The following ADAMTS7 variants were observed in gnomAD, a reference collection of about 807,000 sequenced individuals.
ADAMTS7 encodes the protein A disintegrin and metalloproteinase with thrombospondin motifs 7.
In ADAMTS7, 89 loss-of-function variants were observed where a neutral mutation model predicts 172.6. The ratio of observed to expected loss-of-function variants is 0.52; its 90% CI spans 0.43 to 0.61. The LOEUF (loss-of-function observed/expected upper bound fraction) is 0.61. Among genes scored for constraint, ADAMTS7 ranks in the 20% least tolerant of loss-of-function variants. ADAMTS7 has a pLI of 0.00. For missense variants in ADAMTS7, 1,973 were observed against 2,355.6 expected, an observed-to-expected ratio of 0.84 and a Z score of 3.36; for synonymous variants, 885 against 978.4, an observed-to-expected ratio of 0.90 and a Z score of 1.78.
chr15:78,782,203 G>C (rs570626878), intron 8 of ADAMTS7, among the ~76,000 whole-genome samples: 1 of 152,174 alleles, frequency 6.6e-6, no homozygotes, highest in Non-Finnish European at 1.5e-5. Context: ...GCTAATTTTT[G>C]TATTTTTAGT....
intron 1 of ADAMTS7, among the ~76,000 whole-genome samples, chr15:78,806,986 C>T (rs1225961546): frequency 2.6e-5 from 4 of 152,152 alleles, no homozygotes; most frequent in Admixed American, 6.5e-5. Flanking sequence ...AGGCTGGTCT[C>T]GAACTCCTGA....
At position 78,800,367 on chromosome 15, in the gene ADAMTS7, TTG is replaced by T. The variant is rs773180196; in HGVS notation, c.279_280del (p.Phe93LeufsTer45). ...CAGCAGGTGCTGATTGGCGGTCAGG[TTG>T]AAGCGCAGCTCGCGCCCGCGGTATT... is the stretch of plus-strand genomic sequence containing the variant. On this transcript the variant is annotated frameshift_variant, in exon 2 of 24. Coordinates refer to ENST00000388820, the MANE Select transcript of ADAMTS7 (RefSeq NM_014272.5). LOFTEE classifies it high-confidence loss of function. 5.0e-6 allele frequency: 8 copies of T among 1,606,990 alleles called. No homozygotes were observed. Among genetic ancestry groups the T allele is most frequent in the African/African-American group, 1.3e-5 (1 of 74,726 alleles).
chr15:78,779,810 C>T (rs2055404621), intron 8 of ADAMTS7, among the ~76,000 whole-genome samples: 1 of 152,016 alleles, frequency 6.6e-6, no homozygotes, highest in South Asian at 2.1e-4. Flanking sequence ...CAGCCCAGCC[C>T]TTCTGCTTCC....
intron 17 of ADAMTS7, 68 bp from the exon 18 acceptor site, chr15:78,767,660 G>C (rs1273476772): frequency 7.0e-7 from 1 of 1,429,298 alleles, no homozygotes; most frequent in Non-Finnish European, 9.3e-7. Flanking sequence ...ACCAGCAGGG[G>C]GGGCCAGGCT....
At position 78,763,944 on chromosome 15, in the gene ADAMTS7, G is replaced by A; in HGVS notation, c.4575C>T (p.Tyr1525=). 1 of 1,548,194 alleles carries A rather than the reference G, an allele frequency of 6.5e-7. No individual in the cohort carries two copies. Among genetic ancestry groups the A allele is most frequent in the Non-Finnish European group, 8.7e-7 (1 of 1,145,788 alleles). Reference sequence around the variant, plus strand: ...GCCTCACCTCCCTCCAGGAAGATGTGTACCAGCTGAGGCAGGGCTGGGCCC... The same window carrying A: ...GCCTCACCTCCCTCCAGGAAGATGTATACCAGCTGAGGCAGGGCTGGGCCC... ...PCGAQPCLSW[Y]TSSWRECSEA... is the part of the protein sequence containing the mutation. Residue 1525 remains tyrosine, a synonymous_variant, in exon 21 of 24, where the codon TAC becomes TAT. Transcript: ENST00000388820.
chr15:78,800,413 G>C lies in ADAMTS7; in HGVS notation c.235C>G (p.Pro79Ala). ...CGGTATTGTAGCTCGTAGAAGGCGGGCGCGTCTCGGCGCACAGATACATCC... is the reference window on the plus strand; with the variant it reads ...CGGTATTGTAGCTCGTAGAAGGCGGCCGCGTCTCGGCGCACAGATACATCC... ...KRDVSVRRDA[P>A]AFYELQYRGR... The change falls in exon 2 of 24, where the codon CCC becomes GCC. Residue 79 changes from proline (P) to alanine (A), a missense_variant. Around this residue, in one of 8 missense-constraint regions of ADAMTS7, gnomAD observed 306 missense variants for 288.0 expected, o/e 1.06. Coordinates refer to ENST00000388820, the MANE Select transcript of ADAMTS7 (RefSeq NM_014272.5). 1 of 1,609,122 alleles carries C rather than the reference G, an allele frequency of 6.2e-7. No individual in the cohort carries two copies. The highest frequency in any genetic ancestry group is 1.3e-5 in the African/African-American group (1 of 75,010).
chr15:78,774,921 C>T lies in ADAMTS7; in HGVS notation c.1707-128G>A, dbSNP rs2055317512. 26 of 1,200,820 alleles carry T rather than the reference C, an allele frequency of 2.2e-5. No individual in the cohort carries two copies. In the South Asian group the frequency reaches 4.0e-4, roughly 19 times the overall value. 74.4% of individuals were successfully genotyped at this position (1,200,820 alleles called of 1,614,324 possible). A position where few individuals can be genotyped will look rare whatever the true frequency, so the allele number is the denominator to read the frequency against. On this transcript the variant is annotated intron_variant, in intron 11 of 23. Transcript: ENST00000388820. ...TCCCTGCTGCCCAGCTTTGTGCACG[C>T]TGCTCCCCTCCCTTGGGCTGCCCAC...
rs988538324 is a variant in ADAMTS7, at chr15:78,811,450, G to GAGAAAGAA, written c.-238_-231dup. On this transcript the variant is annotated 5_prime_UTR_variant, in exon 1 of 24. Transcript: ENST00000388820. ...AGAAAAGACAAGAGAGCTAGAAGGAGAGAAAGAAAGAAAGAAAGAAAGGGA... is the reference window on the plus strand; with the variant it reads ...AGAAAAGACAAGAGAGCTAGAAGGAGAGAAAGAAAGAAAGAAAGAAAGAAAGAAAGGGA... The GAGAAAGAA allele has an allele frequency of 1.1e-5, 4 of 358,364 alleles. No individual in the cohort carries two copies. Among genetic ancestry groups the GAGAAAGAA allele is most frequent in the African/African-American group, 6.4e-5 (3 of 47,098 alleles). 22.2% of individuals were successfully genotyped at this position (358,364 alleles called of 1,614,324 possible).
intron 8 of ADAMTS7, among the ~76,000 whole-genome samples, chr15:78,786,995 AT>A (rs2055510685): frequency 1.3e-5 from 2 of 151,978 alleles, no homozygotes; most frequent in Non-Finnish European, 2.9e-5. Context: ...CAGTGAACAT[AT>A]TTTCTCTTCC....
At chr15:78,786,458 G>A (rs940731675) in intron 8 of ADAMTS7, among the ~76,000 whole-genome samples, 2 of 152,182 alleles carry the variant, frequency 1.3e-5, no homozygotes, top group African/African-American at 4.8e-5. Context: ...GCACTGACAG[G>A]CCCAGAGGCT....
intron 1 of ADAMTS7, among the ~76,000 whole-genome samples, chr15:78,805,085 A>G (rs1267003494): frequency 6.6e-6 from 1 of 152,160 alleles, no homozygotes; most frequent in East Asian, 1.9e-4. Context: ...TGGGGGCCCT[A>G]GAATGTGTAT....
intron 19 of ADAMTS7, 85 bp from the exon 20 acceptor site, chr15:78,764,792 G>C: frequency 7.3e-7 from 1 of 1,371,786 alleles, no homozygotes; most frequent in Non-Finnish European, 9.5e-7. Context: ...CTAGGCTAGC[G>C]AGACCTCAGC....
chr15:78,807,657 G>A (rs2055814156), intron 1 of ADAMTS7, among the ~76,000 whole-genome samples: 1 of 151,818 alleles, frequency 6.6e-6, no homozygotes, highest in South Asian at 2.1e-4. Flanking sequence ...GCTCTCTTTG[G>A]TTGTGTAAGA....
chr15:78,773,068 G>A lies in ADAMTS7; in HGVS notation c.2131+15C>T, dbSNP rs766416212. The stretch of plus-strand genomic sequence containing the variant: ...TGAAGAGCATACCCCTCCCCACAGC[G>A]GTCCCACCCCATACCCAGGCCCTCG... On this transcript the variant is annotated intron_variant, in intron 14 of 23. Coordinates refer to ENST00000388820, the MANE Select transcript of ADAMTS7 (RefSeq NM_014272.5). 1.2e-5 allele frequency: 17 copies of A among 1,468,214 alleles called. 1 individual carries two copies. Among genetic ancestry groups the A allele is most frequent in the African/African-American group, 7.1e-5 (5 of 70,350 alleles). The allele number at this position is 1,468,214 out of a possible 1,614,324, so 90.9% of individuals were successfully genotyped here.
At position 78,789,843 on chromosome 15, in the gene ADAMTS7, A is replaced by G; in HGVS notation, c.1029-5T>C. 6.3e-7 allele frequency: 1 copy of G among 1,580,440 alleles called. No homozygotes were observed. The highest frequency in any genetic ancestry group is 8.6e-7 in the Non-Finnish European group (1 of 1,163,296). On this transcript the variant is annotated splice_polypyrimidine_tract_variant and splice_region_variant and intron_variant, in intron 6 of 23. Coordinates refer to ENST00000388820, the MANE Select transcript of ADAMTS7 (RefSeq NM_014272.5). ...ATGGCTGCACACAGGTCCTTTCTGC[A>G]CAGGCAAAGAAGCAGCCTTCAGGCT...
rs368881147 is a variant in ADAMTS7 at position 78,774,593 on chromosome 15, C to T, written c.1876+31G>A. On this transcript the variant is annotated intron_variant, in intron 12 of 23. Transcript: ENST00000388820. The stretch of plus-strand genomic sequence containing the variant: ...ACCCACACACCCCCAGCCCTCTAAG[C>T]CTCAATGTCTCCATGGGGGGCAGCA... 3,258 of 1,611,310 alleles carry T rather than the reference C, an allele frequency of 2.0e-3. 1 individual carries two copies. Among genetic ancestry groups the T allele is most frequent in the Non-Finnish European group, 2.6e-3 (3,056 of 1,179,652 alleles).
At chr15:78,784,953 T>A (rs574083381) in intron 8 of ADAMTS7, among the ~76,000 whole-genome samples, 125 of 148,256 alleles carry the variant, frequency 8.4e-4, no homozygotes, top group African/African-American at 2.8e-3. Flanking sequence ...GAGGATGTGC[T>A]CCACCAAAAC....
In ADAMTS7 at chr15:78,759,926, G is replaced by A. The variant is rs186287382; in HGVS notation, c.4904-348C>T. 3.6e-3 allele frequency among the ~76,000 whole-genome samples: 550 copies of A among 151,758 alleles called. 3 individuals are homozygous for A. Among genetic ancestry groups the A allele is most frequent in the African/African-American group, 0.01 (424 of 41,268 alleles). On this transcript the variant is annotated intron_variant, in intron 23 of 23. Coordinates refer to ENST00000388820, the MANE Select transcript of ADAMTS7 (RefSeq NM_014272.5). ...ATCCTTGCTCATCCCTGGTGTTCCC[G>A]GACAGATCCTGGCACAGAACTGCGG...
chr15:78,770,202 A>G (rs1172446415), intron 16 of ADAMTS7, among the ~76,000 whole-genome samples: 1 of 151,630 alleles, frequency 6.6e-6, no homozygotes, highest in Non-Finnish European at 1.5e-5. Context: ...AATAAAATAA[A>G]ATAGCAAAAT....
Sources: allele counts gnomAD v4.1 joint callset (sites outside exome capture counted in the v4.1 genomes callset), GRCh38; gene constraint gnomAD v4.1.1; regional missense constraint gnomAD v4.1.1; transcripts MANE v1.5; gene names NCBI Gene and HGNC (gene_info 2026-07-23, HGNC 2026-07-21).